The following TOPAZ1 variants were observed in gnomAD, a reference collection of about 807,000 sequenced individuals.
TOPAZ1 encodes protein TOPAZ1.
A neutral mutation model predicts 172.2 loss-of-function variants in TOPAZ1; 66 were observed. The ratio of observed to expected loss-of-function variants is 0.38; its 90% confidence interval spans 0.31 to 0.47. TOPAZ1 has a LOEUF of 0.47. Ranked by LOEUF, TOPAZ1 falls within the 20% of genes least tolerant of loss-of-function variation. The pLI is 0.99. For missense variants in TOPAZ1, 1,822 were observed against 1,972.4 expected (o/e 0.92, Z 1.44); for synonymous variants, 681 against 683.9 (o/e 1.00, Z 0.07).
At chr3:44,295,858 C>T (rs7646215) in intron 12 of TOPAZ1, among the ~76,000 whole-genome samples, 16,932 of 152,102 alleles carry the variant, frequency 0.11, 1,094 homozygotes, top group African/African-American at 0.16. Context: ...CTAAACACCT[C>T]CATCAATCAA....
intron 9 of TOPAZ1, among the ~76,000 whole-genome samples, chr3:44,284,403 G>A (rs77970008): frequency 0.022 from 3,374 of 152,204 alleles, 72 homozygotes; most frequent in African/African-American, 0.055. Context: ...ATTTCACTTA[G>A]CATAATGTCC....
chr3:44,290,892 A>T lies in TOPAZ1; in HGVS notation c.3797+6A>T, dbSNP rs891368794. The stretch of plus-strand genomic sequence containing the variant: ...GTTCTGGAAATGAAATCGAGGTGAG[A>T]AAAATCATTATTATTTAAGCCAAAA... On this transcript the variant is annotated splice_donor_region_variant and intron_variant, in intron 12 of 19. Transcript: ENST00000309765. The T allele has an allele frequency of 9.2e-6, 14 of 1,520,288 alleles. No homozygotes were observed. The highest frequency in any genetic ancestry group is 4.2e-5 in the Admixed American group (2 of 47,370). The allele number at this position is 1,520,288 out of a possible 1,614,324, so 94.2% of individuals were successfully genotyped here.
At chr3:44,327,790 G>A (rs1286785499) in intron 18 of TOPAZ1, among the ~76,000 whole-genome samples, 1 of 151,928 alleles carries the variant, frequency 6.6e-6, no homozygotes, top group Non-Finnish European at 1.5e-5. Context: ...TGTCGCCTAG[G>A]CTGGAGTACA....
In TOPAZ1 at chr3:44,304,470, A is replaced by T. The variant is rs150455576; in HGVS notation, c.3864+389A>T. Among the ~76,000 whole-genome samples the T allele has an allele frequency of 2.9e-4, 44 of 152,244 alleles. No homozygotes were observed. The East Asian group carries it at 6.6e-3, about 23-fold the overall frequency. ...TGGGAGAAAGCCCAGGTCACACTGA[A>T]CTCTCCAACCATTTAGAGTATAAGA... On this transcript the variant is annotated intron_variant, in intron 13 of 19. Transcript: ENST00000309765.
chr3:44,318,884 CT>C (rs1559548293), intron 16 of TOPAZ1, among the ~76,000 whole-genome samples: 1 of 148,020 alleles, frequency 6.8e-6, no homozygotes, highest in African/African-American at 2.5e-5. Flanking sequence ...ATATAGTTTT[CT>C]TTTGTTAATG....
chr3:44,280,001 T>C (rs138179483), intron 8 of TOPAZ1, among the ~76,000 whole-genome samples: 363 of 152,350 alleles, frequency 2.4e-3, no homozygotes, highest in African/African-American at 8.1e-3. Context: ...ATGGTAGATA[T>C]CATTCTTTTC....
intron 5 of TOPAZ1, among the ~76,000 whole-genome samples, chr3:44,263,757 T>G (rs946200531): frequency 2.0e-5 from 3 of 152,218 alleles, no homozygotes; most frequent in Non-Finnish European, 2.9e-5. Flanking sequence ...TGAATGTTGG[T>G]GTAAACCTCT....
At chr3:44,253,556 G>A (rs1299246530) in intron 2 of TOPAZ1, among the ~76,000 whole-genome samples, 2 of 152,122 alleles carry the variant, frequency 1.3e-5, no homozygotes, top group African/African-American at 2.4e-5. Context: ...CAAAAAAGCT[G>A]TATTGGGGAG....
chr3:44,263,593 T>C (rs1699798476), intron 5 of TOPAZ1, among the ~76,000 whole-genome samples: 1 of 152,226 alleles, frequency 6.6e-6, no homozygotes, highest in South Asian at 2.1e-4. Context: ...AATATCTTTA[T>C]TTTGTGTGAA....
chr3:44,332,123 T>G, downstream of TOPAZ1: 1 of 697,588 alleles, frequency 1.4e-6, no homozygotes. Context: ...TTTATTGACT[T>G]ACAGCAAGTT....
At chr3:44,299,756 G>A (rs1700246802) in intron 12 of TOPAZ1, among the ~76,000 whole-genome samples, 1 of 149,668 alleles carries the variant, frequency 6.7e-6, no homozygotes, top group South Asian at 2.1e-4. Flanking sequence ...TATACACCAT[G>A]GAATACTATG....
intron 18 of TOPAZ1, among the ~76,000 whole-genome samples, chr3:44,327,120 C>G (rs1191694230): frequency 1.3e-5 from 2 of 152,106 alleles, no homozygotes; most frequent in Non-Finnish European, 2.9e-5. Context: ...AGCCCCTCGT[C>G]TATAACATGG....
At chr3:44,298,911 T>TATATATATA (rs1559541872) in intron 12 of TOPAZ1, among the ~76,000 whole-genome samples, 3 of 20,138 alleles carry the variant, frequency 1.5e-4, no homozygotes, top group Admixed American at 1.0e-3. Context: ...ATATATATAT[T>TATATATATA]TTTTTTTTTT....
In TOPAZ1 at chr3:44,287,450, G is replaced by A; in HGVS notation, c.3498G>A (p.Val1166=). Residue 1166 remains valine, a synonymous_variant, in exon 10 of 20, where the codon GTG becomes GTA. Transcript: ENST00000309765. ...FPPGVYFDLQ[V]LNDLLNSLLK... Reference sequence around the variant, plus strand: ...CAGGTGTATACTTTGATTTACAAGTGCTAAATGACCTTCTAAATTCTTTAC... The same window carrying A: ...CAGGTGTATACTTTGATTTACAAGTACTAAATGACCTTCTAAATTCTTTAC... The A allele has an allele frequency of 6.6e-7, 1 of 1,526,710 alleles. No homozygotes were observed. Among genetic ancestry groups the A allele is most frequent in the Admixed American group, 2.1e-5 (1 of 48,094 alleles). 94.6% of individuals were successfully genotyped at this position (1,526,710 alleles called of 1,614,324 possible). A position where few individuals can be genotyped will look rare whatever the true frequency, so the allele number is the denominator to read the frequency against.
intron 12 of TOPAZ1, among the ~76,000 whole-genome samples, chr3:44,303,529 G>C (rs1335045864): frequency 8.2e-6 from 1 of 122,424 alleles, no homozygotes; most frequent in Non-Finnish European, 1.6e-5. Context: ...TGTGGACTTA[G>C]TCTTTGCAGC....
chr3:44,243,870 A>G lies in TOPAZ1; in HGVS notation c.1364A>G (p.Lys455Arg). ...AAATCGATGAAAAGCTTCATAGGGA[A>G]ATCACCTAATGAGTACCATATTGAA... The part of the protein sequence containing the change: ...DFKSMKSFIG[K>R]SPNEYHIERR... The change falls in exon 2 of 20, where the codon AAA becomes AGA. Residue 455 changes from lysine (K) to arginine (R), a missense_variant. Coordinates refer to ENST00000309765, the MANE Select transcript of TOPAZ1 (RefSeq NM_001145030.2). The G allele has an allele frequency of 6.4e-7, 1 of 1,551,922 alleles. No homozygotes were observed. Among genetic ancestry groups the G allele is most frequent in the Non-Finnish European group, 8.7e-7 (1 of 1,147,000 alleles).
chr3:44,275,560 A>G (rs1269716750), intron 8 of TOPAZ1, among the ~76,000 whole-genome samples: 1 of 151,984 alleles, frequency 6.6e-6, no homozygotes. Context: ...ATAATATTCC[A>G]TTGTGTATAT....
At chr3:44,276,624 CTTTTTTTTTTTTTTTTTT>C (rs762865769) in intron 8 of TOPAZ1, among the ~76,000 whole-genome samples, 3 of 24,124 alleles carry the variant, frequency 1.2e-4, no homozygotes, top group African/African-American at 3.8e-4. Context: ...CAGCTTTGTT[CTTTTTTTTTTTTTTTTTT>C]TTTTTTTTTT....
At chr3:44,285,912 A>T (rs1700073375) in intron 9 of TOPAZ1, among the ~76,000 whole-genome samples, 1 of 151,958 alleles carries the variant, frequency 6.6e-6, no homozygotes, top group African/African-American at 2.4e-5. Flanking sequence ...TAACAGTTTA[A>T]AAATAACTTA....
Sources: gnomAD v4.1 joint callset for allele counts (sites outside exome capture counted in the v4.1 genomes callset) on GRCh38, gnomAD v4.1.1 for gene constraint, MANE v1.5 for transcripts, NCBI Gene and HGNC (gene_info 2026-07-23, HGNC 2026-07-21) for gene names.